The following IPCEF1 variants were observed in gnomAD, a reference collection of about 807,000 sequenced individuals.
IPCEF1 encodes the protein interaction protein for cytohesin exchange factors 1.
In IPCEF1, 31 loss-of-function variants were observed where a neutral mutation model predicts 50.9. That is an observed-to-expected ratio of 0.61 (90% CI 0.46 to 0.82). The LOEUF (loss-of-function observed/expected upper bound fraction) is 0.82, where lower values mean the gene tolerates loss of function less well. Among genes scored for constraint, IPCEF1 ranks in the 40% least tolerant of loss-of-function variants. IPCEF1 has a pLI of 0.00. For synonymous variants in IPCEF1, 181 were observed against 192.0 expected (o/e 0.94, Z 0.47); for missense variants, 458 against 514.0 (o/e 0.89, Z 1.05).
At chr6:154,239,712 T>C (rs1583880372) in intron 5 of IPCEF1, among the ~76,000 whole-genome samples, 1 of 60,000 alleles carries the variant, frequency 1.7e-5, no homozygotes, top group Admixed American at 1.3e-4. Context: ...CTGAAGAAAC[T>C]TTTTTTTTTG....
intron 10 of IPCEF1, among the ~76,000 whole-genome samples, chr6:154,179,652 C>G (rs1029188156): frequency 3.0e-4 from 46 of 152,170 alleles, no homozygotes; most frequent in Admixed American, 1.3e-4. Context: ...ACTTTAAAGT[C>G]TGTCTTATCT....
chr6:154,353,216 A>G (rs1041759810), intron 1 of IPCEF1, among the ~76,000 whole-genome samples: 7 of 152,010 alleles, frequency 4.6e-5, no homozygotes, highest in African/African-American at 1.7e-4. Flanking sequence ...TATCACTAAA[A>G]CATTGCTTTT....
intron 3 of IPCEF1, among the ~76,000 whole-genome samples, chr6:154,249,554 A>G (rs961670926): frequency 1.3e-5 from 2 of 152,152 alleles, no homozygotes; most frequent in Non-Finnish European, 2.9e-5. Context: ...CAGGCCTCCA[A>G]TGAACAAGAT....
intron 11 of IPCEF1, among the ~76,000 whole-genome samples, chr6:154,161,640 C>T (rs1365166059): frequency 6.6e-6 from 1 of 152,136 alleles, no homozygotes. Context: ...TCCAATGATG[C>T]CCTCTGAGAA....
intron 6 of IPCEF1, among the ~76,000 whole-genome samples, chr6:154,222,692 T>C (rs1778961688): frequency 6.6e-6 from 1 of 152,164 alleles, no homozygotes; most frequent in Non-Finnish European, 1.5e-5. Context: ...ATCTTTTGGA[T>C]TTCAATTAGA....
chr6:154,235,531 CAAAAA>C lies in IPCEF1; in HGVS notation c.246+11055_246+11059del, dbSNP rs34877577. On this transcript the variant is annotated intron_variant, in intron 5 of 11. Transcript: ENST00000367220. ...GGGCGACAAGAGCAAAACTCTGTCA[CAAAAA>C]AAAAAAAAAAAAAAAGTAATGAAGA... 2.4e-4 allele frequency among the ~76,000 whole-genome samples: 23 copies of C among 97,554 alleles called. No homozygotes were observed. The South Asian group carries it at 5.9e-3, about 25-fold the overall frequency. 64.0% of individuals were successfully genotyped at this position (97,554 alleles called of 152,430 possible).
chr6:154,312,565 C>T (rs1405756752), intron 1 of IPCEF1, among the ~76,000 whole-genome samples: 1 of 152,074 alleles, frequency 6.6e-6, no homozygotes. Context: ...CCAGGCTGGT[C>T]TCGAACTCCT....
chr6:154,202,708 A>T (rs1777169053), intron 9 of IPCEF1, among the ~76,000 whole-genome samples: 1 of 152,122 alleles, frequency 6.6e-6, no homozygotes. Flanking sequence ...AAGTATCAAG[A>T]CCTGTTAAAT....
intron 1 of IPCEF1, among the ~76,000 whole-genome samples, chr6:154,312,785 C>G (rs1783112398): frequency 6.6e-6 from 1 of 152,046 alleles, no homozygotes; most frequent in South Asian, 2.1e-4. Flanking sequence ...ATCAAAAAAA[C>G]TATGTGAGGT....
chr6:154,303,341 C>T (rs550138966), intron 1 of IPCEF1, among the ~76,000 whole-genome samples: 35 of 152,060 alleles, frequency 2.3e-4, no homozygotes, highest in Non-Finnish European at 4.9e-4. Flanking sequence ...CCGCCCACCT[C>T]GGCCTCCCAA....
At chr6:154,199,168 C>A (rs748987281) in intron 10 of IPCEF1, among the ~76,000 whole-genome samples, 6 of 152,190 alleles carry the variant, frequency 3.9e-5, no homozygotes, top group Non-Finnish European at 8.8e-5. Context: ...GCACAAAGTG[C>A]ATGCAAATTG....
intron 3 of IPCEF1, 102 bp from the exon 4 acceptor site, chr6:154,247,590 GGA>G: frequency 1.1e-6 from 1 of 947,286 alleles, no homozygotes; most frequent in Non-Finnish European, 1.6e-6. Flanking sequence ...TGAGCAGGAT[GGA>G]ATCTAAAAAA....
chr6:154,219,711 T>C (rs1274924231), intron 7 of IPCEF1, among the ~76,000 whole-genome samples: 1 of 152,214 alleles, frequency 6.6e-6, no homozygotes, highest in Non-Finnish European at 1.5e-5. Flanking sequence ...TGTTCTTATT[T>C]TTCTCAGATG....
intron 1 of IPCEF1, among the ~76,000 whole-genome samples, chr6:154,325,053 G>A (rs1783486407): frequency 6.6e-6 from 1 of 152,096 alleles, no homozygotes; most frequent in South Asian, 2.1e-4. Flanking sequence ...CAGGCACAAA[G>A]CTTAAAGAGG....
At chr6:154,340,370 C>T (rs192267084) in intron 1 of IPCEF1, among the ~76,000 whole-genome samples, 18 of 152,142 alleles carry the variant, frequency 1.2e-4, no homozygotes, top group Admixed American at 2.6e-4. Flanking sequence ...CCCGCCCCAA[C>T]CTCCCTAGTA....
chr6:154,340,928 T>C (rs1783902499), intron 1 of IPCEF1, among the ~76,000 whole-genome samples: 1 of 150,844 alleles, frequency 6.6e-6, no homozygotes. Context: ...TATATATGTG[T>C]GTGTGTGTGT....
intron 3 of IPCEF1, among the ~76,000 whole-genome samples, chr6:154,253,935 T>C (rs1781398975): frequency 6.6e-6 from 1 of 152,176 alleles, no homozygotes; most frequent in Non-Finnish European, 1.5e-5. Flanking sequence ...AGAGGTGATG[T>C]ATATCTTATT....
chr6:154,261,729 AT>A (rs895638802), intron 3 of IPCEF1, among the ~76,000 whole-genome samples: 1 of 151,934 alleles, frequency 6.6e-6, no homozygotes, highest in African/African-American at 2.4e-5. Flanking sequence ...AATTCTGAGC[AT>A]TTTTTTTAGC....
At chr6:154,314,336 T>C (rs1211727294) in intron 1 of IPCEF1, among the ~76,000 whole-genome samples, 1 of 152,132 alleles carries the variant, frequency 6.6e-6, no homozygotes, top group East Asian at 1.9e-4. Context: ...CAGTAACTCT[T>C]GCAAAAGAAG....
Sources: gnomAD v4.1 joint callset for allele counts (sites outside exome capture counted in the v4.1 genomes callset) on GRCh38, gnomAD v4.1.1 for gene constraint, MANE v1.5 for transcripts, NCBI Gene and HGNC (gene_info 2026-07-23, HGNC 2026-07-21) for gene names.